Variants in ZNF184 observed in about 807,000 individuals in gnomAD.
The protein encoded by ZNF184 is zinc finger protein 184 (Kruppel-like).
Under a neutral mutation model 54.4 loss-of-function variants are expected in ZNF184, and 16 were observed. The ratio of observed to expected loss-of-function variants is 0.29; its 90% CI spans 0.20 to 0.45. The LOEUF (loss-of-function observed/expected upper bound fraction) is 0.45, where lower values mean the gene tolerates loss of function less well. Ranked by LOEUF, ZNF184 falls within the 20% of genes least tolerant of loss-of-function variation. The pLI is 1.00. For synonymous variants in ZNF184, 254 were observed against 295.3 expected, an observed-to-expected ratio of 0.86 and a Z score of 1.43; for missense variants, 681 against 888.2, an observed-to-expected ratio of 0.77 and a Z score of 2.97.
At chr6:27,422,192 GA>G in the ZNF184 span, among the ~76,000 whole-genome samples, 1 of 26,860 alleles carries the variant, frequency 3.7e-5, no homozygotes, top group East Asian at 1.0e-3. Flanking sequence ...AAGAAAGAAA[GA>G]AAGAAAGAAA....
intron 3 of ZNF184, among the ~76,000 whole-genome samples, chr6:27,459,832 T>A (rs1304222814): frequency 6.6e-6 from 1 of 152,206 alleles, no homozygotes; most frequent in African/African-American, 2.4e-5. Context: ...TAGATAGTTA[T>A]CAAATGATGT....
At chr6:27,430,857 C>A in the ZNF184 span, among the ~76,000 whole-genome samples, 7 of 152,334 alleles carry the variant, frequency 4.6e-5, no homozygotes, top group African/African-American at 1.7e-4. Flanking sequence ...GTTCGCGTCC[C>A]ACTGACCTTT....
rs372185362 is a variant in ZNF184 at position 27,462,388 on chromosome 6, C to T, written c.76-4979G>A. 3.6e-4 allele frequency among the ~76,000 whole-genome samples: 55 copies of T among 151,784 alleles called. 3 individuals carry two copies. The highest frequency in any genetic ancestry group is 3.4e-3 in the East Asian group (17 of 5,074). On this transcript the variant is annotated intron_variant, in intron 3 of 5. Transcript: ENST00000683788. ...AATTTTTTTGTATTTTTAGTAGAGA[C>T]GGGGTTTCACTGTGTTAGCCAGAAT...
the ZNF184 span, among the ~76,000 whole-genome samples, chr6:27,417,225 C>T: frequency 6.6e-6 from 1 of 152,172 alleles, no homozygotes; most frequent in Non-Finnish European, 1.5e-5. Context: ...GAAATTACTG[C>T]ACATTGCAAA....
chr6:27,468,446 T>C (rs898023076), intron 2 of ZNF184, among the ~76,000 whole-genome samples: 1 of 152,208 alleles, frequency 6.6e-6, no homozygotes, highest in African/African-American at 2.4e-5. Context: ...TATAAATTTA[T>C]CAACCACTTA....
At chr6:27,454,880 T>C (rs1028544011) in intron 5 of ZNF184, among the ~76,000 whole-genome samples, 1 of 152,080 alleles carries the variant, frequency 6.6e-6, no homozygotes, top group African/African-American at 2.4e-5. Context: ...GGAGAAGTAA[T>C]CGAGGGTGTT....
chr6:27,442,721 C>T, the ZNF184 span, among the ~76,000 whole-genome samples: 1 of 101,724 alleles, frequency 9.8e-6, no homozygotes, highest in African/African-American at 3.7e-5. Context: ...GAAAGAAGGA[C>T]GGAAGGAAGG....
chr6:27,462,644 C>G (rs1457498620), intron 3 of ZNF184, among the ~76,000 whole-genome samples: 1 of 151,552 alleles, frequency 6.6e-6, no homozygotes, highest in Non-Finnish European at 1.5e-5. Context: ...GCAGGCAGAT[C>G]ATGAGGTCAG....
At chr6:27,425,306 A>G in the ZNF184 span, among the ~76,000 whole-genome samples, 1 of 152,222 alleles carries the variant, frequency 6.6e-6, no homozygotes, top group East Asian at 1.9e-4. Context: ...GGGCTCCCCA[A>G]GTGCCGCCAA....
the ZNF184 span, among the ~76,000 whole-genome samples, chr6:27,431,302 C>A: frequency 6.6e-6 from 1 of 152,166 alleles, no homozygotes; most frequent in Non-Finnish European, 1.5e-5. Flanking sequence ...AGGATGTGTT[C>A]AAGACAGGAT....
the ZNF184 span, among the ~76,000 whole-genome samples, chr6:27,442,546 A>C: frequency 6.6e-6 from 1 of 151,982 alleles, no homozygotes; most frequent in Non-Finnish European, 1.5e-5. Context: ...GCTTGAGCCC[A>C]GGAGTTCGAG....
the ZNF184 span, among the ~76,000 whole-genome samples, chr6:27,445,451 GATTAGGTT>G: frequency 6.6e-6 from 1 of 151,860 alleles, no homozygotes; most frequent in South Asian, 2.1e-4. Context: ...TTACCAGGGT[GATTAGGTT>G]ATTAGGGATC....
At chr6:27,423,833 T>A in the ZNF184 span, among the ~76,000 whole-genome samples, 1 of 152,270 alleles carries the variant, frequency 6.6e-6, no homozygotes, top group Non-Finnish European at 1.5e-5. Flanking sequence ...TTTCCGATGT[T>A]AATATTCTTT....
chr6:27,404,876 G>T, the ZNF184 span: 2 of 152,118 alleles, frequency 1.3e-5, no homozygotes, highest in African/African-American at 4.8e-5. Flanking sequence ...AATTAGCCAG[G>T]CGTGGTGGCT....
At chr6:27,424,282 G>C in the ZNF184 span, among the ~76,000 whole-genome samples, 2 of 152,214 alleles carry the variant, frequency 1.3e-5, no homozygotes, top group African/African-American at 4.8e-5. Flanking sequence ...GCTCACAAAA[G>C]TAGTGTGAGC....
At chr6:27,459,594 G>T (rs1415964080) in intron 3 of ZNF184, among the ~76,000 whole-genome samples, 2 of 152,078 alleles carry the variant, frequency 1.3e-5, no homozygotes, top group Non-Finnish European at 2.9e-5. Flanking sequence ...CAATCTATCT[G>T]GGGGGCAATC....
At chr6:27,423,846 C>A in the ZNF184 span, among the ~76,000 whole-genome samples, 4 of 152,202 alleles carry the variant, frequency 2.6e-5, no homozygotes, top group Non-Finnish European at 2.9e-5. Context: ...TATTCTTTTA[C>A]AATGTAATTT....
At chr6:27,409,513 A>AC in the ZNF184 span, among the ~76,000 whole-genome samples, 18 of 146,584 alleles carry the variant, frequency 1.2e-4, no homozygotes, top group African/African-American at 4.2e-4. Context: ...AAAAAAAAAA[A>AC]AAAAAAAACA....
At chr6:27,464,966 G>A (rs563142871) in intron 3 of ZNF184, among the ~76,000 whole-genome samples, 3 of 138,408 alleles carry the variant, frequency 2.2e-5, no homozygotes, top group East Asian at 2.1e-4. Context: ...GCAGTGAGCC[G>A]AGATCGCCCC....
Sources: allele counts gnomAD v4.1 joint callset (sites outside exome capture counted in the v4.1 genomes callset), GRCh38; gene constraint gnomAD v4.1.1; transcripts MANE v1.5; gene names NCBI Gene and HGNC (gene_info 2026-07-23, HGNC 2026-07-21).